The following SPMAP2L variants were observed in gnomAD, a reference collection of about 807,000 sequenced individuals.
SPMAP2L encodes the protein sperm microtubule associated protein 2-like.
the SPMAP2L span, among the ~76,000 whole-genome samples, chr4:56,538,703 T>C: frequency 2.2e-4 from 34 of 152,126 alleles, no homozygotes; most frequent in Admixed American, 4.6e-4. Context: ...CTCTGGAGGC[T>C]GAGGTAGGAG....
chr4:56,585,861 C>A, the SPMAP2L span, among the ~76,000 whole-genome samples: 1 of 152,096 alleles, frequency 6.6e-6, no homozygotes, highest in Non-Finnish European at 1.5e-5. Flanking sequence ...ATCATTAATG[C>A]CTTTAAATCT....
chr4:56,531,031 C>A, the SPMAP2L span: 4 of 1,535,490 alleles, frequency 2.6e-6, no homozygotes, highest in South Asian at 1.2e-5. Context: ...CCGTGAACCC[C>A]GCCAGCTCCG....
At chr4:56,610,414 A>G in the SPMAP2L span, among the ~76,000 whole-genome samples, 1 of 152,244 alleles carries the variant, frequency 6.6e-6, no homozygotes, top group Non-Finnish European at 1.5e-5. Context: ...ATGAAACTGG[A>G]TCCTCATCTC....
the SPMAP2L span, chr4:56,594,432 A>C: frequency 6.2e-7 from 1 of 1,601,636 alleles, no homozygotes; most frequent in Non-Finnish European, 8.6e-7. Context: ...CAAGGATATC[A>C]GCAGCTTTTC....
chr4:56,615,748 AAAACAAACAAAC>A, the SPMAP2L span, among the ~76,000 whole-genome samples: 16 of 150,578 alleles, frequency 1.1e-4, no homozygotes, highest in African/African-American at 2.7e-4. Flanking sequence ...ACTGTATCTC[AAAACAAACAAAC>A]AAACAAACAA....
the SPMAP2L span, chr4:56,559,245 G>A: frequency 9.7e-6 from 6 of 620,884 alleles, no homozygotes; most frequent in African/African-American, 8.1e-5. Context: ...AGGTTGCAGT[G>A]AGCCGAGATC....
At chr4:56,551,335 A>G in the SPMAP2L span, among the ~76,000 whole-genome samples, 1 of 151,982 alleles carries the variant, frequency 6.6e-6, no homozygotes, top group South Asian at 2.1e-4. Context: ...GGTTTGGGAG[A>G]GAGAATTGGT....
the SPMAP2L span, among the ~76,000 whole-genome samples, chr4:56,621,545 T>C: frequency 2.0e-5 from 3 of 152,324 alleles, no homozygotes; most frequent in South Asian, 6.2e-4. Flanking sequence ...TTAGACATTA[T>C]GGCAAGATAA....
chr4:56,546,478 T>C, the SPMAP2L span, among the ~76,000 whole-genome samples: 35 of 152,304 alleles, frequency 2.3e-4, no homozygotes, highest in Non-Finnish European at 4.1e-4. Context: ...CTGGGACTTG[T>C]AGTTTGTAAG....
At chr4:56,573,868 T>C in the SPMAP2L span, among the ~76,000 whole-genome samples, 1 of 152,164 alleles carries the variant, frequency 6.6e-6, no homozygotes, top group East Asian at 1.9e-4. Flanking sequence ...TATATGCAGA[T>C]TGAGGCTTAC....
chr4:56,577,445 AC>A, the SPMAP2L span, among the ~76,000 whole-genome samples: 1 of 152,202 alleles, frequency 6.6e-6, no homozygotes, highest in Non-Finnish European at 1.5e-5. Flanking sequence ...AGACTTTAAG[AC>A]AAACATTGTT....
chr4:56,599,818 A>G, the SPMAP2L span, among the ~76,000 whole-genome samples: 1 of 152,084 alleles, frequency 6.6e-6, no homozygotes, highest in East Asian at 1.9e-4. Flanking sequence ...GAGCATTTGG[A>G]TTGGTTCCAG....
the SPMAP2L span, chr4:56,593,221 C>T: frequency 1.5e-6 from 2 of 1,346,026 alleles, no homozygotes; most frequent in African/African-American, 2.9e-5. Flanking sequence ...ACATCACAGG[C>T]CTGGACATGG....
At chr4:56,575,525 G>A in the SPMAP2L span, 3 of 1,535,406 alleles carry the variant, frequency 2.0e-6, no homozygotes, top group South Asian at 1.2e-5. Flanking sequence ...TACCACAGCT[G>A]TGGAAGAGAG....
At chr4:56,613,934 C>T in the SPMAP2L span, among the ~76,000 whole-genome samples, 4 of 152,162 alleles carry the variant, frequency 2.6e-5, no homozygotes, top group African/African-American at 7.2e-5. Context: ...AGACGAATAG[C>T]GCTGTCAGTG....
At chr4:56,598,149 C>T in the SPMAP2L span, among the ~76,000 whole-genome samples, 5 of 152,190 alleles carry the variant, frequency 3.3e-5, no homozygotes, top group Non-Finnish European at 5.9e-5. Flanking sequence ...AGGTGTGAGC[C>T]ATCATGGCTA....
chr4:56,592,752 C>G, the SPMAP2L span, among the ~76,000 whole-genome samples: 13 of 151,972 alleles, frequency 8.6e-5, no homozygotes, highest in African/African-American at 2.9e-4. Flanking sequence ...TGCTGGGCGC[C>G]GTGGGGCCGG....
the SPMAP2L span, among the ~76,000 whole-genome samples, chr4:56,584,177 G>A: frequency 5.3e-5 from 8 of 152,006 alleles, no homozygotes; most frequent in African/African-American, 1.9e-4. Context: ...ATGTTTGCCT[G>A]GCTGGTCTCA....
At chr4:56,603,140 G>A in the SPMAP2L span, 1 of 1,099,702 alleles carries the variant, frequency 9.1e-7, no homozygotes, top group East Asian at 2.6e-5. Context: ...TACAGTGGAT[G>A]CTTGAGAAAC....
Sources: gnomAD v4.1 joint callset for allele counts (sites outside exome capture counted in the v4.1 genomes callset) on GRCh38, gnomAD v4.1.1 for gene constraint, MANE v1.5 for transcripts, NCBI Gene and HGNC (gene_info 2026-07-23, HGNC 2026-07-21) for gene names.